The following NXN variants were observed in gnomAD, a reference collection of about 807,000 sequenced individuals.
NXN encodes nucleoredoxin 1.
Under a neutral mutation model 48.6 loss-of-function variants are expected in NXN, and 16 were observed. The observed-to-expected ratio is 0.33, with a 90% CI of 0.22 to 0.50. The LOEUF (loss-of-function observed/expected upper bound fraction) is 0.50. Ranked by LOEUF, NXN falls within the 20% of genes least tolerant of loss-of-function variation. NXN has a pLI of 0.98. For synonymous variants in NXN, 281 were observed against 269.6 expected (o/e 1.04, Z -0.41); for missense variants, 492 against 605.5 (o/e 0.81, Z 1.97).
chr17:978,784 C>G lies in NXN; in HGVS notation c.360+535G>C, dbSNP rs1036805521. Among the ~76,000 whole-genome samples, 1 of 152,122 alleles carries G rather than the reference C, an allele frequency of 6.6e-6. No individual in the cohort carries two copies. Among genetic ancestry groups the G allele is most frequent in the African/African-American group, 2.4e-5 (1 of 41,450 alleles). On this transcript the variant is annotated intron_variant, in intron 1 of 7. Coordinates refer to ENST00000336868, the MANE Select transcript of NXN (RefSeq NM_022463.5). This position sits in a 1 kb window ranked among gnomAD's most constrained non-coding sequence, Gnocchi z 4.1. ...GGGGCTCCGGGAAGGCAGGTTTCTCCCGGAAAGAAAGGAAACGCGCTGGTT... is the reference window on the plus strand; with the variant it reads ...GGGGCTCCGGGAAGGCAGGTTTCTCGCGGAAAGAAAGGAAACGCGCTGGTT...
rs757000273 is a variant in NXN, at chr17:979,702, G to C, written c.-24C>G. On this transcript the variant is annotated 5_prime_UTR_variant, in exon 1 of 8. Transcript: ENST00000336868. ...ATCCTGGCCCACCGCAGGGCGGGCA[G>C]GCGGCTGCGACCCCGCTCCACGGTC... 1.4e-6 allele frequency: 2 copies of C among 1,384,120 alleles called. No homozygotes were observed. Among genetic ancestry groups the C allele is most frequent in the Non-Finnish European group, 1.9e-6 (2 of 1,067,242 alleles). The allele number at this position is 1,384,120 out of a possible 1,614,324, so 85.7% of individuals were successfully genotyped here.
At chr17:864,614 C>T (rs917714727) in intron 1 of NXN, among the ~76,000 whole-genome samples, 1 of 152,194 alleles carries the variant, frequency 6.6e-6, no homozygotes, top group Admixed American at 6.5e-5. Flanking sequence ...TCCTCCCTCT[C>T]CAGATAATTC....
intron 5 of NXN, among the ~76,000 whole-genome samples, chr17:809,888 G>C (rs77919641): frequency 0.18 from 23,176 of 126,220 alleles, 3,471 homozygotes; most frequent in East Asian, 0.29. Context: ...TGGCGTGTAC[G>C]TTAAGAGTCC....
rs150335251 is a variant in NXN, at chr17:816,094, C to A, written c.820+3345G>T. On this transcript the variant is annotated intron_variant, in intron 5 of 7. Coordinates refer to ENST00000336868, the MANE Select transcript of NXN (RefSeq NM_022463.5). ...GGCGCTCGGTAACGCTTGGGAGAGA[C>A]CTGGGCCCTACGTAGCTGACTAGCA... is the stretch of plus-strand genomic sequence containing the variant. Among the ~76,000 whole-genome samples the A allele has an allele frequency of 2.1e-3, 318 of 152,302 alleles. 2 individuals carry two copies. The highest frequency in any genetic ancestry group is 7.0e-3 in the African/African-American group (289 of 41,554).
At position 956,228 on chromosome 17, in the gene NXN, C is replaced by CT. The variant is rs1326157285; in HGVS notation, c.360+23090dup. 6.6e-6 allele frequency among the ~76,000 whole-genome samples: 1 copy of CT among 152,122 alleles called. No individual in the cohort carries two copies. Among genetic ancestry groups the CT allele is most frequent in the African/African-American group, 2.4e-5 (1 of 41,422 alleles). ...TCTCCATCCAAACCATTCATTCTTT[C>CT]TTTCAATAAACACGGTGCCAAGTAT... On this transcript the variant is annotated intron_variant, in intron 1 of 7. Coordinates refer to ENST00000336868, the MANE Select transcript of NXN (RefSeq NM_022463.5). The surrounding 1 kb of genome is among the most constrained non-coding windows in gnomAD (Gnocchi z 4.1).
chr17:799,924 T>G lies in NXN; in HGVS notation c.*1025A>C, dbSNP rs942923059. 1.3e-5 allele frequency: 2 copies of G among 152,266 alleles called. No homozygotes were observed. The highest frequency in any genetic ancestry group is 4.8e-5 in the African/African-American group (2 of 41,462). The allele number at this position is 152,266 out of a possible 1,614,324, so 9.4% of individuals were successfully genotyped here. On this transcript the variant is annotated 3_prime_UTR_variant, in exon 8 of 8. Coordinates refer to ENST00000336868, the MANE Select transcript of NXN (RefSeq NM_022463.5). ...TGAGGTCAGGAGTTCGAGACCAGCC[T>G]GGCCAACATGGTGAAACCCCATCTC...
intron 1 of NXN, among the ~76,000 whole-genome samples, chr17:837,816 C>T (rs963584316): frequency 5.3e-5 from 8 of 152,188 alleles, no homozygotes; most frequent in Non-Finnish European, 5.9e-5. Flanking sequence ...TGATCCGAGC[C>T]GTCACCAACC....
intron 7 of NXN, among the ~76,000 whole-genome samples, chr17:802,951 G>A (rs1482031546): frequency 6.6e-6 from 1 of 152,144 alleles, no homozygotes; most frequent in East Asian, 1.9e-4. Flanking sequence ...GGGTGGGGTG[G>A]GGTGGGGAGG....
At chr17:857,537 G>A (rs1401695297) in intron 1 of NXN, among the ~76,000 whole-genome samples, 1 of 152,162 alleles carries the variant, frequency 6.6e-6, no homozygotes. Flanking sequence ...TGGGATTACA[G>A]GTGTGAGACA....
Position 932,186 on chromosome 17 carries a change from T to C in NXN, c.360+47133A>G, listed in dbSNP as rs185570712. ...AACAATTTTAGAAATGTTTAATTAT[T>C]TGGAATCCTGGAAAAAAAAGCTAAG... On this transcript the variant is annotated intron_variant, in intron 1 of 7. Transcript: ENST00000336868. The surrounding 1 kb of genome is among the most constrained non-coding windows in gnomAD (Gnocchi z 4.1). Among the ~76,000 whole-genome samples, 2 of 152,284 alleles carry C rather than the reference T, an allele frequency of 1.3e-5. No homozygotes were observed. Among genetic ancestry groups the C allele is most frequent in the Admixed American group, 1.3e-4 (2 of 15,288 alleles).
rs1178207400 is a variant in NXN, at chr17:840,409, G to A, written c.361-14331C>T. Among the ~76,000 whole-genome samples the A allele has an allele frequency of 4.6e-5, 7 of 151,800 alleles. No individual in the cohort carries two copies. The South Asian group carries it at 8.3e-4, about 18-fold the overall frequency. On this transcript the variant is annotated intron_variant, in intron 1 of 7. Coordinates refer to ENST00000336868, the MANE Select transcript of NXN (RefSeq NM_022463.5). ...GGCTGGGGTGAAGTGGCGCCATCTC[G>A]GCTCATTGCAAGCTCCACCTCCCGG...
At chr17:909,301 T>C (rs1283742225) in intron 1 of NXN, among the ~76,000 whole-genome samples, 1 of 152,100 alleles carries the variant, frequency 6.6e-6, no homozygotes, top group African/African-American at 2.4e-5. Flanking sequence ...AAGCTAAACA[T>C]TACACAACCA....
intron 1 of NXN, among the ~76,000 whole-genome samples, chr17:961,355 A>AG (rs2069234681): frequency 6.6e-6 from 1 of 151,882 alleles, no homozygotes; most frequent in African/African-American, 2.4e-5. Context: ...ATTGCACTCC[A>AG]GCCTGGGCGA....
At chr17:897,437 G>A (rs1280747362) in intron 1 of NXN, among the ~76,000 whole-genome samples, 2 of 152,182 alleles carry the variant, frequency 1.3e-5, no homozygotes, top group Non-Finnish European at 2.9e-5. Flanking sequence ...CTAGGGTGGG[G>A]TGCATCCTTA....
At chr17:831,231 G>A (rs1567822267) in intron 1 of NXN, among the ~76,000 whole-genome samples, 2 of 151,640 alleles carry the variant, frequency 1.3e-5, no homozygotes, top group African/African-American at 4.9e-5. Context: ...AGGCAAGGGG[G>A]AGCGGATCAC....
intron 1 of NXN, among the ~76,000 whole-genome samples, chr17:973,498 T>C (rs1193728095): frequency 1.3e-5 from 2 of 152,144 alleles, no homozygotes; most frequent in African/African-American, 4.8e-5. Context: ...GGTAACTTAA[T>C]AGTAACTTAA....
chr17:867,356 C>T (rs573726452), intron 1 of NXN, among the ~76,000 whole-genome samples: 2 of 147,718 alleles, frequency 1.4e-5, no homozygotes, highest in African/African-American at 5.0e-5. Flanking sequence ...AGCAAGTTCT[C>T]GGGGTTCTCC....
intron 1 of NXN, among the ~76,000 whole-genome samples, chr17:854,374 A>C (rs868471268): frequency 3.0e-4 from 45 of 149,578 alleles, no homozygotes; most frequent in Middle Eastern, 7.1e-3. Context: ...TTCAGCCGGG[A>C]GCGGTGGCTC....
At chr17:852,814 G>C (rs930354227) in intron 1 of NXN, among the ~76,000 whole-genome samples, 1 of 151,870 alleles carries the variant, frequency 6.6e-6, no homozygotes, top group Non-Finnish European at 1.5e-5. Context: ...TGGGAAGAAA[G>C]AGCTTGACCA....
Sources: allele counts gnomAD v4.1 joint callset (sites outside exome capture counted in the v4.1 genomes callset), GRCh38; gene constraint gnomAD v4.1.1; non-coding constraint Gnocchi (gnomAD v3.1); transcripts MANE v1.5; gene names NCBI Gene and HGNC (gene_info 2026-07-23, HGNC 2026-07-21).